GADL1: variants seen among roughly 807,000 people sequenced by gnomAD.
GADL1 encodes acidic amino acid decarboxylase GADL1.
Under a neutral mutation model 69.5 loss-of-function variants are expected in GADL1, and 71 were observed. The ratio of observed to expected loss-of-function variants is 1.02; its 90% CI spans 0.84 to 1.25. The LOEUF (loss-of-function observed/expected upper bound fraction) is 1.25. Among genes scored for constraint, GADL1 ranks in the 50% most tolerant of loss-of-function variants. The probability of loss-of-function intolerance (pLI) is 0.00; values close to 1 mark genes in which losing one functional copy is unlikely to be tolerated. For synonymous variants in GADL1, 254 were observed against 214.4 expected, an observed-to-expected ratio of 1.18 and a Z score of -1.62; for missense variants, 737 against 631.8, an observed-to-expected ratio of 1.17 and a Z score of -1.79.
At chr3:30,784,059 T>A (rs1473671866) in intron 13 of GADL1, among the ~76,000 whole-genome samples, 1 of 152,110 alleles carries the variant, frequency 6.6e-6, no homozygotes, top group Non-Finnish European at 1.5e-5. Flanking sequence ...CGAGAAAATA[T>A]AAAGTGATCA....
intron 3 of GADL1, among the ~76,000 whole-genome samples, chr3:30,855,465 T>C (rs1462193800): frequency 1.3e-5 from 2 of 152,072 alleles, no homozygotes; most frequent in Admixed American, 6.6e-5. Flanking sequence ...GCCTTTTCAT[T>C]TTTCAGATTG....
rs111950654 is a variant in GADL1 at position 30,874,500 on chromosome 3, A to G, written c.38-12735T>C. Among the ~76,000 whole-genome samples the G allele has an allele frequency of 9.9e-5, 15 of 151,996 alleles. No individual in the cohort carries two copies. The South Asian group carries it at 1.0e-3, about 11-fold the overall frequency. ...GGCCATTTATGTGTAAGATTTTGGG[A>G]TCTTAGAGCTTTACAAGCACTTACA... On this transcript the variant is annotated intron_variant, in intron 1 of 14. Coordinates refer to ENST00000282538, the MANE Select transcript of GADL1 (RefSeq NM_207359.3).
At chr3:30,858,335 G>A (rs1698260182) in intron 2 of GADL1, among the ~76,000 whole-genome samples, 1 of 152,004 alleles carries the variant, frequency 6.6e-6, no homozygotes, top group African/African-American at 2.4e-5. Flanking sequence ...TTAGGACAGG[G>A]GAATGAAAGG....
intron 2 of GADL1, among the ~76,000 whole-genome samples, chr3:30,859,731 A>T (rs546667894): frequency 6.6e-6 from 1 of 152,008 alleles, no homozygotes; most frequent in South Asian, 2.1e-4. Flanking sequence ...TCACTGCACC[A>T]AGCTTGGGTA....
At position 30,850,867 on chromosome 3, in the gene GADL1, C is replaced by A. The variant is rs1157809659; in HGVS notation, c.503G>T (p.Gly168Val). The A allele has an allele frequency of 6.5e-7, 1 of 1,550,022 alleles. No homozygotes were observed. Among genetic ancestry groups the A allele is most frequent in the Non-Finnish European group, 8.7e-7 (1 of 1,145,720 alleles). Reference sequence around the variant, plus strand: ...AAATATTCCATCCCCTTCTTTCCAGCCAATAAATTCAATCATTTTCTTCAG... The same window carrying A: ...AAATATTCCATCCCCTTCTTTCCAGACAATAAATTCAATCATTTTCTTCAG... Reference protein sequence around the residue: ...AVLKKMIEFIGWKEGDGIFNP... With the variant: ...AVLKKMIEFIVWKEGDGIFNP... The change falls in exon 5 of 15, where the codon GGC (glycine) becomes GTC (valine). Residue 168 changes from glycine to valine, a missense_variant. Physicochemically the swap from Gly to Val is moderately radical, Grantham distance 109 (BLOSUM62 -3). Coordinates refer to ENST00000282538, the MANE Select transcript of GADL1 (RefSeq NM_207359.3).
chr3:30,834,102 T>C, intron 10 of GADL1, 115 bp downstream of exon 10: 1 of 1,036,164 alleles, frequency 9.7e-7, no homozygotes, highest in Non-Finnish European at 1.5e-6. Flanking sequence ...TTTTTGTTGT[T>C]GTTTATTTAA....
chr3:30,729,153 A>G (rs1299127642), intron 14 of GADL1, among the ~76,000 whole-genome samples: 1 of 152,184 alleles, frequency 6.6e-6, no homozygotes, highest in Non-Finnish European at 1.5e-5. Flanking sequence ...ATCCAGATAC[A>G]CAGATTTTTC....
chr3:30,869,316 T>A (rs1698448024), intron 1 of GADL1, among the ~76,000 whole-genome samples: 1 of 151,824 alleles, frequency 6.6e-6, no homozygotes, highest in Non-Finnish European at 1.5e-5. Flanking sequence ...GTTTTAAAGC[T>A]ATTTTAGTTG....
chr3:30,759,273 CTTT>C (rs1420517679), intron 14 of GADL1, among the ~76,000 whole-genome samples: 2 of 151,852 alleles, frequency 1.3e-5, no homozygotes, highest in Non-Finnish European at 3.0e-5. Flanking sequence ...ATCTATAAAT[CTTT>C]TTCTTCCAAA....
At chr3:30,886,596 C>T (rs542329197) in intron 1 of GADL1, among the ~76,000 whole-genome samples, 1 of 152,250 alleles carries the variant, frequency 6.6e-6, no homozygotes, top group South Asian at 2.1e-4. Flanking sequence ...CTAACCAGTG[C>T]TGTTGGAGCC....
At chr3:30,844,928 A>G (rs776781855) in intron 6 of GADL1, among the ~76,000 whole-genome samples, 19 of 152,180 alleles carry the variant, frequency 1.2e-4, no homozygotes, top group Non-Finnish European at 2.2e-4. Context: ...ACTTAGTATT[A>G]ATGGAAACTT....
intron 1 of GADL1, among the ~76,000 whole-genome samples, chr3:30,873,406 T>A (rs1027610506): frequency 6.6e-6 from 1 of 151,952 alleles, no homozygotes; most frequent in Non-Finnish European, 1.5e-5. Context: ...GTCATATAGC[T>A]AGTAAGTGGT....
chr3:30,834,101 T>C (rs912888537), intron 10 of GADL1, 116 bp downstream of exon 10: 1 of 1,024,518 alleles, frequency 9.8e-7, no homozygotes, highest in Non-Finnish European at 1.5e-6. Context: ...TTTTTTGTTG[T>C]TGTTTATTTA....
chr3:30,840,924 A>G (rs1291332244), intron 8 of GADL1, among the ~76,000 whole-genome samples: 1 of 152,222 alleles, frequency 6.6e-6, no homozygotes, highest in African/African-American at 2.4e-5. Context: ...TAAATATTCA[A>G]TGTTCATCCT....
chr3:30,824,757 C>T (rs1055848586), intron 11 of GADL1, among the ~76,000 whole-genome samples: 2 of 150,700 alleles, frequency 1.3e-5, no homozygotes, highest in Admixed American at 6.6e-5. Flanking sequence ...TTTGGTATAA[C>T]TACAGAGCAA....
chr3:30,744,286 C>T (rs1695668466), intron 14 of GADL1, among the ~76,000 whole-genome samples: 1 of 152,162 alleles, frequency 6.6e-6, no homozygotes, highest in Non-Finnish European at 1.5e-5. Flanking sequence ...TGCATTTAGA[C>T]TTCCTTAGGC....
intron 14 of GADL1, among the ~76,000 whole-genome samples, chr3:30,773,693 A>G (rs897757196): frequency 6.6e-6 from 1 of 152,188 alleles, no homozygotes; most frequent in Non-Finnish European, 1.5e-5. Flanking sequence ...CCAGCTCTTT[A>G]TAGTTGAATA....
At chr3:30,830,986 CCT>C (rs10579440) in intron 11 of GADL1, among the ~76,000 whole-genome samples, 39,434 of 151,548 alleles carry the variant, frequency 0.26, 6,020 homozygotes, top group African/African-American at 0.4. Flanking sequence ...ATAATTGAGC[CCT>C]GTCTAATTGA....
At chr3:30,802,384 G>T (rs910162982) in intron 11 of GADL1, among the ~76,000 whole-genome samples, 26 of 152,290 alleles carry the variant, frequency 1.7e-4, no homozygotes, top group Admixed American at 1.5e-3. Flanking sequence ...TCAATGCCCT[G>T]ACATGTGGTA....
Sources: gnomAD v4.1 joint callset for allele counts (sites outside exome capture counted in the v4.1 genomes callset) on GRCh38, gnomAD v4.1.1 for gene constraint, MANE v1.5 for transcripts, NCBI Gene and HGNC (gene_info 2026-07-23, HGNC 2026-07-21) for gene names.